LSP1: variants seen among roughly 807,000 people sequenced by gnomAD.
LSP1 encodes the protein lymphocyte specific protein 1, also known as lymphocyte-specific protein 1.
Under a neutral mutation model 49.3 loss-of-function variants are expected in LSP1, and 32 were observed. The ratio of observed to expected loss-of-function variants is 0.65; its 90% CI spans 0.49 to 0.87. The LOEUF (loss-of-function observed/expected upper bound fraction) is 0.87, where lower values mean the gene tolerates loss of function less well. Ranked by LOEUF, LSP1 falls within the 40% of genes least tolerant of loss-of-function variation. LSP1 has a pLI of 0.00. For synonymous variants in LSP1, 179 were observed against 178.8 expected (o/e 1.00, Z -0.01); for missense variants, 428 against 442.6 (o/e 0.97, Z 0.30).
rs749589728 is a variant in LSP1, at chr11:1,866,846, C to T, written c.54-13241C>T. ...CTGCCTGGCTGTGCGGTGGCTCACC[C>T]CCTTGTCACCAGGGGCTCGGCCATG... On this transcript the variant is annotated intron_variant, in intron 1 of 10. Transcript: ENST00000311604. 3.7e-5 allele frequency: 58 copies of T among 1,547,096 alleles called. No individual in the cohort carries two copies. The African/African-American group carries it at 6.6e-4, about 18-fold the overall frequency.
chr11:1,882,981 C>G (rs2133120795), intron 3 of LSP1, among the ~76,000 whole-genome samples: 1 of 152,342 alleles, frequency 6.6e-6, no homozygotes, highest in Middle Eastern at 3.4e-3. Flanking sequence ...AATGACCCAG[C>G]CTCCAGTCCC....
At position 1,876,633 on chromosome 11, in the gene LSP1, G is replaced by C. The variant is rs933580072; in HGVS notation, c.54-3454G>C. 1.5e-5 allele frequency: 15 copies of C among 985,360 alleles called. No homozygotes were observed. In the Admixed American group the frequency reaches 4.3e-4, roughly 28 times the overall value. The allele number at this position is 985,360 out of a possible 1,614,324, so 61.0% of individuals were successfully genotyped here. On this transcript the variant is annotated intron_variant, in intron 1 of 10. Coordinates refer to ENST00000311604, the MANE Select transcript of LSP1 (RefSeq NM_002339.3). ...ACACCCATTCTGCAAGTGTCTGCAGGGGGAGGACGGAGGTGGGTAGCTGGG... is the reference window on the plus strand; with the variant it reads ...ACACCCATTCTGCAAGTGTCTGCAGCGGGAGGACGGAGGTGGGTAGCTGGG...
At chr11:1,873,804 AG>A in intron 1 of LSP1, among the ~76,000 whole-genome samples, 1 of 149,254 alleles carries the variant, frequency 6.7e-6, no homozygotes, top group Non-Finnish European at 1.5e-5. Context: ...CCAGAAGAGC[AG>A]GGAGCCCAGC....
At chr11:1,867,445 G>A (rs919093362) in intron 1 of LSP1, among the ~76,000 whole-genome samples, 4 of 149,618 alleles carry the variant, frequency 2.7e-5, no homozygotes, top group African/African-American at 7.4e-5. Flanking sequence ...CCAACAGCTC[G>A]GACTTCCCCA....
chr11:1,889,444 C>T (rs1701162810), intron 10 of LSP1: 2 of 650,160 alleles, frequency 3.1e-6, no homozygotes, highest in Non-Finnish European at 5.7e-6. Flanking sequence ...ACCTCCTGCT[C>T]TGTGGGGGCA....
In LSP1 at chr11:1,881,498, G is replaced by C; in HGVS notation, c.258G>C (p.Gln86His). The change falls in exon 3 of 11, where the codon CAG (glutamine) becomes CAC (histidine). Residue 86 changes from glutamine (Q) to histidine (H), a missense_variant. Gln to His is a conservative substitution (Grantham distance 24, BLOSUM62 0). Transcript: ENST00000311604. Reference sequence around the variant, plus strand: ...ACGAGGGCTTTGGCGACTGGTCCCAGAGGCCAGAGCAGCGGCAGCAGCACG... The same window carrying C: ...ACGAGGGCTTTGGCGACTGGTCCCACAGGCCAGAGCAGCGGCAGCAGCACG... ...DEDEGFGDWS[Q>H]RPEQRQQHEG... 1 of 1,575,848 alleles carries C rather than the reference G, an allele frequency of 6.3e-7. No homozygotes were observed. The highest frequency in any genetic ancestry group is 8.6e-7 in the Non-Finnish European group (1 of 1,160,030).
At chr11:1,890,070 C>G (rs777810379) in intron 10 of LSP1, 4 of 713,124 alleles carry the variant, frequency 5.6e-6, no homozygotes, top group Non-Finnish European at 1.0e-5. Flanking sequence ...GCCCCCACCC[C>G]CAGAGACAGG....
rs1565079468 is a variant in LSP1, at chr11:1,873,999, T to TGGCAGAGCAGGGAGGCC, written c.54-6080_54-6064dup. Among the ~76,000 whole-genome samples, 52 of 32,374 alleles carry TGGCAGAGCAGGGAGGCC rather than the reference T, an allele frequency of 1.6e-3. 8 individuals are homozygous for TGGCAGAGCAGGGAGGCC. Among genetic ancestry groups the TGGCAGAGCAGGGAGGCC allele is most frequent in the South Asian group, 3.3e-3 (2 of 602 alleles). 21.2% of individuals were successfully genotyped at this position (32,374 alleles called of 152,430 possible). ...AGGGAGGCCGGCGGAGGAGGGAGGC[T>TGGCAGAGCAGGGAGGCC]GGCAGAGCAGGGAGGCCGGCAGAGG... On this transcript the variant is annotated intron_variant, in intron 1 of 10. Coordinates refer to ENST00000311604, the MANE Select transcript of LSP1 (RefSeq NM_002339.3).
chr11:1,874,058 C>G lies in LSP1; in HGVS notation c.54-6029C>G, dbSNP rs1322099656. On this transcript the variant is annotated intron_variant, in intron 1 of 10. Coordinates refer to ENST00000311604, the MANE Select transcript of LSP1 (RefSeq NM_002339.3). Reference sequence around the variant, plus strand: ...CGGCAGAGGAGGGAGGCTGGCAGAGCAGGGAGGCCGGCAGAGGAGGGAGGC... The same window carrying G: ...CGGCAGAGGAGGGAGGCTGGCAGAGGAGGGAGGCCGGCAGAGGAGGGAGGC... Among the ~76,000 whole-genome samples, 43 of 34,482 alleles carry G rather than the reference C, an allele frequency of 1.2e-3. 1 individual carries two copies. Among genetic ancestry groups the G allele is most frequent in the African/African-American group, 3.4e-3 (28 of 8,302 alleles). 22.6% of individuals were successfully genotyped at this position (34,482 alleles called of 152,430 possible).
chr11:1,889,262 G>C, intron 10 of LSP1: 1 of 679,082 alleles, frequency 1.5e-6, no homozygotes, highest in Non-Finnish European at 2.7e-6. Context: ...TCCGGGCGTT[G>C]AAGCGAGGCC....
At position 1,884,316 on chromosome 11, in the gene LSP1, G is replaced by C. The variant is rs1848667672; in HGVS notation, c.628G>C (p.Glu210Gln). 1.9e-6 allele frequency: 3 copies of C among 1,614,098 alleles called. No individual in the cohort carries two copies. Among genetic ancestry groups the C allele is most frequent in the Non-Finnish European group, 2.5e-6 (3 of 1,180,006 alleles). ...DRTESLNRSI[E>Q]KSNSVKKSQP... ...GACCGAGTCCCTAAACCGCTCCATA[G>C]AGAAGAGGTCTGTCTGTCTGTCTGT... The change falls in exon 6 of 11, where the codon GAG becomes CAG. Residue 210 changes from glutamate (E) to glutamine (Q), a missense_variant. Transcript: ENST00000311604. This position sits in a 1 kb window ranked among gnomAD's most constrained non-coding sequence, Gnocchi z 4.1.
intron 1 of LSP1, among the ~76,000 whole-genome samples, chr11:1,854,545 C>A (rs541569381): frequency 9.8e-5 from 15 of 152,314 alleles, no homozygotes; most frequent in African/African-American, 3.4e-4. Flanking sequence ...TTCTTGCTGC[C>A]AAATCCCACT....
intron 10 of LSP1, chr11:1,890,274 G>C (rs902777187): frequency 1.4e-6 from 1 of 713,270 alleles, no homozygotes; most frequent in Admixed American, 2.0e-5. Context: ...CATGCGGGGA[G>C]CCTCGGCGGG....
intron 1 of LSP1, among the ~76,000 whole-genome samples, chr11:1,868,270 G>A (rs1047629961): frequency 2.0e-5 from 3 of 152,244 alleles, no homozygotes; most frequent in African/African-American, 7.2e-5. Flanking sequence ...TGAAGAGGGG[G>A]GCTGGGGATC....
intron 2 of LSP1, chr11:1,881,162 T>G: frequency 1.3e-5 from 5 of 378,060 alleles, no homozygotes; most frequent in East Asian, 5.0e-5. Flanking sequence ...CCCAGGCTGA[T>G]GGAGGAGGCA....
rs112739644 is a variant in LSP1, at chr11:1,872,198, C to T, written c.54-7889C>T. On this transcript the variant is annotated intron_variant, in intron 1 of 10. Transcript: ENST00000311604. ...GGGTCTGTCCGGCTGGCGTGGGCAC[C>T]TTTGGGACGGGGTGTGTGTGGTGGG... is the stretch of plus-strand genomic sequence containing the variant. Among the ~76,000 whole-genome samples, 293 of 93,334 alleles carry T rather than the reference C, an allele frequency of 3.1e-3. 1 individual carries two copies. The highest frequency in any genetic ancestry group is 0.012 in the Middle Eastern group (1 of 82). The allele number at this position is 93,334 out of a possible 152,430, so 61.2% of individuals were successfully genotyped here. A position where few individuals can be genotyped will look rare whatever the true frequency, so the allele number is the denominator to read the frequency against.
At chr11:1,873,328 C>T (rs1200359216) in intron 1 of LSP1, among the ~76,000 whole-genome samples, 1 of 152,114 alleles carries the variant, frequency 6.6e-6, no homozygotes, top group Non-Finnish European at 1.5e-5. Context: ...GCACAGGAGC[C>T]CCTCCTTTGA....
intron 10 of LSP1, chr11:1,889,344 T>C: frequency 2.8e-6 from 2 of 712,050 alleles, no homozygotes; most frequent in Non-Finnish European, 5.2e-6. Context: ...CAGGCGCCCT[T>C]GGGCCTCCGC....
In LSP1 at chr11:1,883,437, C is replaced by A. The variant is rs577198149; in HGVS notation, c.375C>A (p.Tyr125Ter). 3 of 1,613,942 alleles carry A rather than the reference C, an allele frequency of 1.9e-6. No homozygotes were observed. Among genetic ancestry groups the A allele is most frequent in the Non-Finnish European group, 2.5e-6 (3 of 1,180,014 alleles). Residue 125 changes from tyrosine to a stop codon, truncating the protein, a stop_gained, in exon 4 of 11, where the codon TAC becomes TAA. Coordinates refer to ENST00000311604, the MANE Select transcript of LSP1 (RefSeq NM_002339.3). LOFTEE classifies it high-confidence loss of function. Reference protein sequence around the residue: ...EQEDRPGLHAYEKEDSDEVHL... With the variant: ...EQEDRPGLHA ...CCCACAGGCCCGGCCTGCATGCCTA[C>A]GAAAAGGAGGACAGTGATGAAGTCC...
Sources: gnomAD v4.1 joint callset for allele counts (sites outside exome capture counted in the v4.1 genomes callset) on GRCh38, gnomAD v4.1.1 for gene constraint, Gnocchi (gnomAD v3.1) non-coding constraint, MANE v1.5 for transcripts, NCBI Gene and HGNC (gene_info 2026-07-23, HGNC 2026-07-21) for gene names.